Variants in IFITM10 observed in about 807,000 individuals in gnomAD.
IFITM10 encodes the protein interferon induced transmembrane protein 10, also known as interferon-induced transmembrane protein 10.
IFITM10 carries 17 observed loss-of-function variants against 19.0 expected under a neutral mutation model. That is an observed-to-expected ratio of 0.90 (90% CI 0.61 to 1.34). The LOEUF (loss-of-function observed/expected upper bound fraction) is 1.34. Among genes scored for constraint, IFITM10 ranks in the 40% most tolerant of loss-of-function variants. The probability of loss-of-function intolerance (pLI) is 0.00; values close to 1 mark genes in which losing one functional copy is unlikely to be tolerated. For synonymous variants in IFITM10, 148 were observed against 147.2 expected, an observed-to-expected ratio of 1.01 and a Z score of -0.04; for missense variants, 306 against 319.8, an observed-to-expected ratio of 0.96 and a Z score of 0.33.
chr11:1,747,611 C>T, intron 2 of IFITM10, 56 bp downstream of exon 2: 2 of 1,480,654 alleles, frequency 1.4e-6, no homozygotes, highest in Non-Finnish European at 9.2e-7. Flanking sequence ...CAGGGACTGT[C>T]CTGCCGGCAC....
intron 2 of IFITM10, among the ~76,000 whole-genome samples, chr11:1,737,866 A>G (rs1434151089): frequency 6.6e-6 from 1 of 152,194 alleles, no homozygotes; most frequent in Non-Finnish European, 1.5e-5. Context: ...TCCTAAAAAA[A>G]CTTTTGGTCT....
At chr11:1,740,183 C>T (rs1009684538) in intron 2 of IFITM10, among the ~76,000 whole-genome samples, 1 of 151,306 alleles carries the variant, frequency 6.6e-6, no homozygotes, top group Non-Finnish European at 1.5e-5. Context: ...ACCTGTAATC[C>T]CAGCTACTCA....
chr11:1,741,685 G>A (rs1845571875), intron 2 of IFITM10, among the ~76,000 whole-genome samples: 1 of 152,124 alleles, frequency 6.6e-6, no homozygotes, highest in South Asian at 2.1e-4. Flanking sequence ...AGAGATGGAT[G>A]GAACAGGTCA....
rs1851046512 is a variant in IFITM10 at position 1,733,228 on chromosome 11, C to T, written c.*2052G>A. The T allele has an allele frequency of 6.5e-6, 1 of 152,944 alleles. No homozygotes were observed. Among genetic ancestry groups the T allele is most frequent in the Non-Finnish European group, 1.5e-5 (1 of 68,510 alleles). The allele number at this position is 152,944 out of a possible 1,614,324, so 9.5% of individuals were successfully genotyped here. A position where few individuals can be genotyped will look rare whatever the true frequency, so the allele number is the denominator to read the frequency against. ...CACCATCCTCCAAGAGGCTCAATGACAGCTCCGTGCAGCCCCGCATCAGCC... is the reference window on the plus strand; with the variant it reads ...CACCATCCTCCAAGAGGCTCAATGATAGCTCCGTGCAGCCCCGCATCAGCC... On this transcript the variant is annotated 3_prime_UTR_variant, in exon 3 of 3. Coordinates refer to ENST00000340134, the MANE Select transcript of IFITM10 (RefSeq NM_001170820.4). The surrounding 1 kb of genome is among the most constrained non-coding windows in gnomAD (Gnocchi z 6.3).
intron 2 of IFITM10, among the ~76,000 whole-genome samples, chr11:1,736,035 T>A (rs1248367844): frequency 6.6e-6 from 1 of 152,194 alleles, no homozygotes; most frequent in African/African-American, 2.4e-5. Flanking sequence ...GCTGGACTCA[T>A]TTCCAAGAGG....
chr11:1,749,234 C>T (rs1372269876), intron 1 of IFITM10: 1 of 342,092 alleles, frequency 2.9e-6, no homozygotes, highest in African/African-American at 2.2e-5. Flanking sequence ...CAGCCCAGAG[C>T]CTGACTCACG....
chr11:1,743,541 G>A (rs1845598115), intron 2 of IFITM10, among the ~76,000 whole-genome samples: 1 of 150,876 alleles, frequency 6.6e-6, no homozygotes, highest in Non-Finnish European at 1.5e-5. Context: ...ATAGATGGAT[G>A]GAGGATGGGA....
intron 1 of IFITM10, chr11:1,748,923 G>A (rs1165405009): frequency 1.0e-5 from 5 of 484,666 alleles, no homozygotes; most frequent in Non-Finnish European, 1.4e-5. Context: ...CCCAGCTCCC[G>A]TGCGGCGCTC....
intron 2 of IFITM10, among the ~76,000 whole-genome samples, chr11:1,740,924 C>G (rs1845564095): frequency 6.6e-6 from 1 of 151,300 alleles, no homozygotes; most frequent in Admixed American, 6.6e-5. Flanking sequence ...CCCCCTTATC[C>G]CTCCCTTGTG....
rs1845664442 is a variant in IFITM10, at chr11:1,747,485, C to A, written c.537+182G>T. ...CGCCCAGACCTAGCCAGTACCCCGA[C>A]CTCTCTGGGACCCACCATCAGGACC... On this transcript the variant is annotated intron_variant, in intron 2 of 2. Transcript: ENST00000340134. Among the ~76,000 whole-genome samples the A allele has an allele frequency of 1.3e-5, 2 of 152,180 alleles. 1 individual carries two copies. Among genetic ancestry groups the A allele is most frequent in the South Asian group, 4.1e-4 (2 of 4,830 alleles).
In IFITM10 at chr11:1,748,859, G is replaced by A. The variant is rs1426491097; in HGVS notation, c.85-740C>T. 1.7e-5 allele frequency: 3 copies of A among 174,310 alleles called. No individual in the cohort carries two copies. In the Admixed American group the frequency reaches 2.0e-4, roughly 11 times the overall value. The allele number at this position is 174,310 out of a possible 1,614,324, so 10.8% of individuals were successfully genotyped here. ...GACGCACAATAACAGGCTGTGAAAT[G>A]AACACTTCTCCAACGAGGCACCAAG... On this transcript the variant is annotated intron_variant, in intron 1 of 2. Transcript: ENST00000340134.
At chr11:1,743,805 C>T (rs1845601171) in intron 2 of IFITM10, among the ~76,000 whole-genome samples, 2 of 152,096 alleles carry the variant, frequency 1.3e-5, no homozygotes, top group Non-Finnish European at 2.9e-5. Flanking sequence ...CCTTCTGCCT[C>T]GAGGCTTGTC....
chr11:1,740,053 G>A (rs1038514876), intron 2 of IFITM10, among the ~76,000 whole-genome samples: 1 of 152,192 alleles, frequency 6.6e-6, no homozygotes, highest in Non-Finnish European at 1.5e-5. Context: ...TGTAATCCCA[G>A]CACTTTGGGA....
Position 1,743,083 on chromosome 11 carries a change from AGGAT to A in IFITM10, c.537+4580_537+4583del, listed in dbSNP as rs746791077. 2.3e-4 allele frequency among the ~76,000 whole-genome samples: 33 copies of A among 145,476 alleles called. No homozygotes were observed. In the Middle Eastern group the frequency reaches 0.013, roughly 55 times the overall value. ...GGAGGGCGGATGGATGGATGGATGG[AGGAT>A]GGATGGAGGATGGATGGATAGATGG... is the stretch of plus-strand genomic sequence containing the variant. On this transcript the variant is annotated intron_variant, in intron 2 of 2. Coordinates refer to ENST00000340134, the MANE Select transcript of IFITM10 (RefSeq NM_001170820.4).
chr11:1,739,770 T>C (rs1851126118), intron 2 of IFITM10, among the ~76,000 whole-genome samples: 1 of 152,066 alleles, frequency 6.6e-6, no homozygotes. Flanking sequence ...CATGTGTTCA[T>C]CTGCAGGGAG....
intron 2 of IFITM10, chr11:1,746,746 GGCAGGGCAGCT>G (rs1845655192): frequency 2.5e-6 from 1 of 398,892 alleles, no homozygotes; most frequent in Admixed American, 4.4e-5. Context: ...TCCCCCACCC[GGCAGGGCAGCT>G]GCATTGGTGG....
In IFITM10 at chr11:1,735,094, G is replaced by T; in HGVS notation, c.*186C>A. 1.6e-6 allele frequency: 1 copy of T among 612,042 alleles called. No homozygotes were observed. The highest frequency in any genetic ancestry group is 2.8e-6 in the Non-Finnish European group (1 of 354,370). The allele number at this position is 612,042 out of a possible 1,614,324, so 37.9% of individuals were successfully genotyped here. On this transcript the variant is annotated 3_prime_UTR_variant, in exon 3 of 3. Transcript: ENST00000340134. ...AGGAGGCGGAGGGGGTGGACTGAGGGCCAAGCTCACTGCCCCCTTGCTGTA... is the reference window on the plus strand; with the variant it reads ...AGGAGGCGGAGGGGGTGGACTGAGGTCCAAGCTCACTGCCCCCTTGCTGTA...
intron 1 of IFITM10, 22 bp downstream of exon 1, chr11:1,750,337 G>A: frequency 1.3e-6 from 2 of 1,550,200 alleles, no homozygotes; most frequent in Non-Finnish European, 1.7e-6. Flanking sequence ...CAGGTTCCCT[G>A]AGCTGGGTCC....
intron 2 of IFITM10, among the ~76,000 whole-genome samples, chr11:1,747,373 C>G (rs2133650242): frequency 6.6e-6 from 1 of 151,990 alleles, no homozygotes; most frequent in Non-Finnish European, 1.5e-5. Flanking sequence ...AACCCCCGCT[C>G]CCAGCCCCTC....
Sources: allele counts gnomAD v4.1 joint callset (sites outside exome capture counted in the v4.1 genomes callset), GRCh38; gene constraint gnomAD v4.1.1; non-coding constraint Gnocchi (gnomAD v3.1); transcripts MANE v1.5; gene names NCBI Gene and HGNC (gene_info 2026-07-23, HGNC 2026-07-21).